ACOX2: variants seen among roughly 807,000 people sequenced by gnomAD.
ACOX2 encodes the protein peroxisomal acyl-coenzyme A oxidase 2.
In ACOX2, 59 loss-of-function variants were observed where a neutral mutation model predicts 77.5. The observed-to-expected ratio is 0.76, with a 90% CI of 0.62 to 0.95. The LOEUF is 0.95. Ranked by LOEUF, ACOX2 falls within the 40% of genes least tolerant of loss-of-function variation. The probability of loss-of-function intolerance (pLI) is 0.00; values close to 1 mark genes in which losing one functional copy is unlikely to be tolerated. For synonymous variants in ACOX2, 317 were observed against 340.1 expected (o/e 0.93, Z 0.75); for missense variants, 837 against 880.4 (o/e 0.95, Z 0.62).
chr3:58,526,371 TC>T lies in ACOX2; in HGVS notation c.1346+94del. 2.2e-6 allele frequency: 3 copies of T among 1,392,786 alleles called. No homozygotes were observed. Among genetic ancestry groups the T allele is most frequent in the East Asian group, 2.5e-5 (1 of 40,112 alleles). The allele number at this position is 1,392,786 out of a possible 1,614,324, so 86.3% of individuals were successfully genotyped here. A position where few individuals can be genotyped will look rare whatever the true frequency, so the allele number is the denominator to read the frequency against. On this transcript the variant is annotated intron_variant, in intron 10 of 14. Transcript: ENST00000302819. This position sits in a 1 kb window ranked among gnomAD's most constrained non-coding sequence, Gnocchi z 4.3. The stretch of plus-strand genomic sequence containing the variant: ...CCAAATAGCACTTCGCAAAGCCTGC[TC>T]TTTTTATGGGCCTCAGACGGAACCC...
In ACOX2 at chr3:58,523,587, G is replaced by A. The variant is rs1026700571; in HGVS notation, c.1526+839C>T. On this transcript the variant is annotated intron_variant, in intron 11 of 14. Coordinates refer to ENST00000302819, the MANE Select transcript of ACOX2 (RefSeq NM_003500.4). This position sits in a 1 kb window ranked among gnomAD's most constrained non-coding sequence, Gnocchi z 5.3. ...AATATGTTTTTCCAGTTTGTTTTTGGTGTTTCCTTTTTATTTTTTTATTAA... is the reference window on the plus strand; with the variant it reads ...AATATGTTTTTCCAGTTTGTTTTTGATGTTTCCTTTTTATTTTTTTATTAA... Among the ~76,000 whole-genome samples, 1 of 151,932 alleles carries A rather than the reference G, an allele frequency of 6.6e-6. No homozygotes were observed. Among genetic ancestry groups the A allele is most frequent in the Non-Finnish European group, 1.5e-5 (1 of 67,996 alleles).
Position 58,526,747 on chromosome 3 carries a change from G to C in ACOX2, c.1156-91C>G. The C allele has an allele frequency of 7.4e-7, 1 of 1,350,878 alleles. No homozygotes were observed. The allele number at this position is 1,350,878 out of a possible 1,614,324, so 83.7% of individuals were successfully genotyped here. On this transcript the variant is annotated intron_variant, in intron 9 of 14. Coordinates refer to ENST00000302819, the MANE Select transcript of ACOX2 (RefSeq NM_003500.4). The surrounding 1 kb of genome is among the most constrained non-coding windows in gnomAD (Gnocchi z 4.3). The stretch of plus-strand genomic sequence containing the variant: ...CACCACTTACTGAGCATCTACTCAT[G>C]CCCAGCTCAGCTCTGAGGTAAGAAG...
rs2063412775 is a variant in ACOX2, at chr3:58,528,435, T to G, written c.1155+359A>C. Reference sequence around the variant, plus strand: ...TTAATAATTTTACTGCAAAATGTATTCACACTCAGAGGGATAAATCAGGTC... The same window carrying G: ...TTAATAATTTTACTGCAAAATGTATGCACACTCAGAGGGATAAATCAGGTC... On this transcript the variant is annotated intron_variant, in intron 9 of 14. Coordinates refer to ENST00000302819, the MANE Select transcript of ACOX2 (RefSeq NM_003500.4). The surrounding 1 kb of genome is among the most constrained non-coding windows in gnomAD (Gnocchi z 5.6). Among the ~76,000 whole-genome samples the G allele has an allele frequency of 6.6e-6, 1 of 152,226 alleles. No homozygotes were observed. Among genetic ancestry groups the G allele is most frequent in the South Asian group, 2.1e-4 (1 of 4,828 alleles).
At chr3:58,513,433 T>G (rs954503294) in intron 13 of ACOX2, among the ~76,000 whole-genome samples, 1 of 152,228 alleles carries the variant, frequency 6.6e-6, no homozygotes, top group African/African-American at 2.4e-5. Flanking sequence ...AGTCCTCCTT[T>G]TTTTTGTCTT....
At chr3:58,516,967 T>A (rs73838025) in intron 13 of ACOX2, among the ~76,000 whole-genome samples, 1,540 of 152,382 alleles carry the variant, frequency 0.01, 32 homozygotes, top group African/African-American at 0.035. Flanking sequence ...TCCTTGACAA[T>A]GTAAAGAGTT....
intron 13 of ACOX2, among the ~76,000 whole-genome samples, chr3:58,516,497 G>A (rs2063322773): frequency 6.6e-6 from 1 of 152,232 alleles, no homozygotes; most frequent in Non-Finnish European, 1.5e-5. Flanking sequence ...TAAATGAGAT[G>A]TATGTAAAAG....
Position 58,524,250 on chromosome 3 carries a change from G to A in ACOX2, c.1526+176C>T, listed in dbSNP as rs1041166895. On this transcript the variant is annotated intron_variant, in intron 11 of 14. Transcript: ENST00000302819. This position sits in a 1 kb window ranked among gnomAD's most constrained non-coding sequence, Gnocchi z 5.5. ...AGTGACGGGGGTCCATGGCTGATGG[G>A]GGGGACATCCCCTCTCTCTGCCCAT... 6.6e-6 allele frequency among the ~76,000 whole-genome samples: 1 copy of A among 152,232 alleles called. No homozygotes were observed. Among genetic ancestry groups the A allele is most frequent in the Non-Finnish European group, 1.5e-5 (1 of 68,034 alleles).
chr3:58,527,114 G>C (rs1020915908), intron 9 of ACOX2, among the ~76,000 whole-genome samples: 7 of 152,116 alleles, frequency 4.6e-5, no homozygotes, highest in African/African-American at 1.7e-4. Flanking sequence ...TTAGGGCTAG[G>C]ATTAGGAGGT....
At position 58,505,682 on chromosome 3, in the gene ACOX2, G is replaced by C. The variant is rs1052640425; in HGVS notation, c.1984-396C>G. Among the ~76,000 whole-genome samples, 3 of 152,166 alleles carry C rather than the reference G, an allele frequency of 2.0e-5. No homozygotes were observed. The South Asian group carries it at 6.2e-4, about 32-fold the overall frequency. On this transcript the variant is annotated intron_variant, in intron 14 of 14. Transcript: ENST00000302819. The surrounding 1 kb of genome is among the most constrained non-coding windows in gnomAD (Gnocchi z 4.4). ...GTTATCCTCATTATGCTGTAATTCA[G>C]TGTCTTGATTCTTTGTTTCTTAGTT...
In ACOX2 at chr3:58,515,943, G is replaced by A. The variant is rs1017165996; in HGVS notation, c.1850+1263C>T. On this transcript the variant is annotated intron_variant, in intron 13 of 14. Transcript: ENST00000302819. This position sits in a 1 kb window ranked among gnomAD's most constrained non-coding sequence, Gnocchi z 4.0. ...CAGGTGTGTGCCTGATTCATTTTTTGTAGAGGTGGGGTTTTGCCATGTTGC... is the reference window on the plus strand; with the variant it reads ...CAGGTGTGTGCCTGATTCATTTTTTATAGAGGTGGGGTTTTGCCATGTTGC... Among the ~76,000 whole-genome samples the A allele has an allele frequency of 2.7e-5, 4 of 148,218 alleles. No homozygotes were observed. The highest frequency in any genetic ancestry group is 2.0e-4 in the East Asian group (1 of 5,122).
chr3:58,531,114 G>T lies in ACOX2; in HGVS notation c.819+137C>A. On this transcript the variant is annotated intron_variant, in intron 7 of 14. Coordinates refer to ENST00000302819, the MANE Select transcript of ACOX2 (RefSeq NM_003500.4). This position sits in a 1 kb window ranked among gnomAD's most constrained non-coding sequence, Gnocchi z 5.8. ...AAGCAGGGGTTTCACCCCAATCTGT[G>T]GGATATCAGAGCCTCTCTTGGGGGA... 1.4e-6 allele frequency: 1 copy of T among 717,968 alleles called. No homozygotes were observed. Among genetic ancestry groups the T allele is most frequent in the Non-Finnish European group, 2.3e-6 (1 of 430,792 alleles). The allele number at this position is 717,968 out of a possible 1,614,324, so 44.5% of individuals were successfully genotyped here.
At position 58,519,461 on chromosome 3, in the gene ACOX2, C is replaced by G. The variant is rs2063343971; in HGVS notation, c.1633-2038G>C. Among the ~76,000 whole-genome samples the G allele has an allele frequency of 6.6e-6, 1 of 152,016 alleles. No homozygotes were observed. Among genetic ancestry groups the G allele is most frequent in the African/African-American group, 2.4e-5 (1 of 41,380 alleles). On this transcript the variant is annotated intron_variant, in intron 12 of 14. Coordinates refer to ENST00000302819, the MANE Select transcript of ACOX2 (RefSeq NM_003500.4). This position sits in a 1 kb window ranked among gnomAD's most constrained non-coding sequence, Gnocchi z 5.0. ...GAGTTGGGGGAAAGGTCATTCCAGG[C>G]AGGGGGAGCTTTATGTGCAAAAGGC... is the stretch of plus-strand genomic sequence containing the variant.
chr3:58,523,005 G>T lies in ACOX2; in HGVS notation c.1527-404C>A, dbSNP rs573424576. 1.2e-4 allele frequency: 20 copies of T among 168,600 alleles called. No individual in the cohort carries two copies. The East Asian group carries it at 2.6e-3, about 22-fold the overall frequency. The allele number at this position is 168,600 out of a possible 1,614,324, so 10.4% of individuals were successfully genotyped here. Reference sequence around the variant, plus strand: ...TGACGTCCTGTGGCCTGAGCAAGGAGAATGGTTTTTCTGTAAAGGCTAGAG... The same window carrying T: ...TGACGTCCTGTGGCCTGAGCAAGGATAATGGTTTTTCTGTAAAGGCTAGAG... On this transcript the variant is annotated intron_variant, in intron 11 of 14. Transcript: ENST00000302819. This position sits in a 1 kb window ranked among gnomAD's most constrained non-coding sequence, Gnocchi z 5.3.
intron 13 of ACOX2, among the ~76,000 whole-genome samples, chr3:58,516,039 G>C (rs1206135648): frequency 6.6e-6 from 1 of 151,524 alleles, no homozygotes; most frequent in Non-Finnish European, 1.5e-5. Context: ...TTGGGCTTTG[G>C]TTTTGATATG....
At chr3:58,529,736 G>C (rs2108007439) in intron 8 of ACOX2, among the ~76,000 whole-genome samples, 1 of 152,326 alleles carries the variant, frequency 6.6e-6, no homozygotes, top group South Asian at 2.1e-4. Context: ...CAGAGGAAAG[G>C]ACCCTGGGCT....
In ACOX2 at chr3:58,522,710, T is replaced by G. The variant is rs2063367449; in HGVS notation, c.1527-109A>C. ...GAAATAATGCCTGTTTATTGACCAC[T>G]TATGTGCCATAAAGCTAAATGATTG... On this transcript the variant is annotated intron_variant, in intron 11 of 14. Transcript: ENST00000302819. The surrounding 1 kb of genome is among the most constrained non-coding windows in gnomAD (Gnocchi z 4.3). 2.2e-6 allele frequency: 2 copies of G among 911,784 alleles called. No homozygotes were observed. The highest frequency in any genetic ancestry group is 1.6e-5 in the African/African-American group (1 of 60,866). The allele number at this position is 911,784 out of a possible 1,614,324, so 56.5% of individuals were successfully genotyped here.
rs1250688409 is a variant in ACOX2 at position 58,533,140 on chromosome 3, C to T, written c.583+305G>A. Among the ~76,000 whole-genome samples, 1 of 152,062 alleles carries T rather than the reference C, an allele frequency of 6.6e-6. No individual in the cohort carries two copies. The highest frequency in any genetic ancestry group is 1.5e-5 in the Non-Finnish European group (1 of 68,010). On this transcript the variant is annotated intron_variant, in intron 5 of 14. Coordinates refer to ENST00000302819, the MANE Select transcript of ACOX2 (RefSeq NM_003500.4). This position sits in a 1 kb window ranked among gnomAD's most constrained non-coding sequence, Gnocchi z 5.6. ...GTTGTGAGGAGTGCCTAGGACTAGA[C>T]CAAGTGTGTGTGTTTGTGCGTGTGT...
chr3:58,533,365 C>T lies in ACOX2; in HGVS notation c.583+80G>A. On this transcript the variant is annotated intron_variant, in intron 5 of 14. Transcript: ENST00000302819. This position sits in a 1 kb window ranked among gnomAD's most constrained non-coding sequence, Gnocchi z 5.6. The stretch of plus-strand genomic sequence containing the variant: ...GAAAATCAATCTGAGGTCTGTTGGA[C>T]CTCAAAGCCAGTGCTACTCTGCCCT... 7.6e-7 allele frequency: 1 copy of T among 1,318,648 alleles called. No homozygotes were observed. Among genetic ancestry groups the T allele is most frequent in the Non-Finnish European group, 1.1e-6 (1 of 926,876 alleles). The allele number at this position is 1,318,648 out of a possible 1,614,324, so 81.7% of individuals were successfully genotyped here.
chr3:58,507,975 T>TA (rs1235926587), intron 14 of ACOX2, among the ~76,000 whole-genome samples: 6 of 152,082 alleles, frequency 3.9e-5, no homozygotes, highest in African/African-American at 1.2e-4. Flanking sequence ...ACCAAAGAGG[T>TA]AAAAAAGAAA....
Sources: allele counts gnomAD v4.1 joint callset (sites outside exome capture counted in the v4.1 genomes callset), GRCh38; gene constraint gnomAD v4.1.1; non-coding constraint Gnocchi (gnomAD v3.1); transcripts MANE v1.5; gene names NCBI Gene and HGNC (gene_info 2026-07-23, HGNC 2026-07-21).